THSD1: variants seen among roughly 807,000 people sequenced by gnomAD.
The protein encoded by THSD1 is thrombospondin type 1 domain containing 1, also known as thrombospondin type-1 domain-containing protein 1.
In THSD1, 34 loss-of-function variants were observed where a neutral mutation model predicts 46.3. The observed-to-expected ratio is 0.74, with a 90% CI of 0.56 to 0.98. The LOEUF (loss-of-function observed/expected upper bound fraction) is 0.98, where lower values mean the gene tolerates loss of function less well. Ranked by LOEUF, THSD1 falls within the 50% of genes least tolerant of loss-of-function variation. THSD1 has a pLI of 0.00. For missense variants in THSD1, 1,023 were observed against 1,058.3 expected (o/e 0.97, Z 0.46); for synonymous variants, 407 against 416.5 (o/e 0.98, Z 0.28).
At chr13:52,391,938 A>G (rs1957775786) in intron 3 of THSD1, among the ~76,000 whole-genome samples, 2 of 151,798 alleles carry the variant, frequency 1.3e-5, no homozygotes, top group South Asian at 4.2e-4. Flanking sequence ...CATGCCTGTA[A>G]TCCCAGGACT....
chr13:52,377,647 A>G lies in THSD1; in HGVS notation c.2323T>C (p.Ser775Pro), dbSNP rs780150341. 3.7e-6 allele frequency: 6 copies of G among 1,610,302 alleles called. No individual in the cohort carries two copies. Among genetic ancestry groups the G allele is most frequent in the African/African-American group, 1.3e-5 (1 of 74,866 alleles). The change falls in exon 5 of 5, where the codon TCT becomes CCT. Residue 775 changes from serine (S) to proline (P), a missense_variant. By Grantham distance (74) the Ser-to-Pro change is moderately conservative. Coordinates refer to ENST00000258613, the MANE Select transcript of THSD1 (RefSeq NM_018676.4). ...TTATCTTTGGGGGATATGGGAGAAG[A>G]CTGCTTCCTTGAGACACTCTTGTGA... ...PSHKSVSRKQ[S>P]SPISPKDNYQ... is the part of the protein sequence containing the mutation.
In THSD1 at chr13:52,397,232, C is replaced by T; in HGVS notation, c.1021G>A (p.Glu341Lys). Reference sequence around the variant, plus strand: ...ATGTTAAAAAAATCTCAATACAAACCTGTATTTCTCTGAATTAGCATGCAC... The same window carrying T: ...ATGTTAAAAAAATCTCAATACAAACTTGTATTTCTCTGAATTAGCATGCAC... The part of the protein sequence containing the change: ...EECMLIQRNT[E>K]TWGLWQPWSQ... Residue 341 changes from glutamate (E) to lysine (K), a missense_variant and splice_region_variant, in exon 3 of 5, where the codon GAA becomes AAA. Coordinates refer to ENST00000258613, the MANE Select transcript of THSD1 (RefSeq NM_018676.4). 6.4e-7 allele frequency: 1 copy of T among 1,557,864 alleles called. No individual in the cohort carries two copies. Among genetic ancestry groups the T allele is most frequent in the Non-Finnish European group, 8.7e-7 (1 of 1,154,286 alleles).
Position 52,397,544 on chromosome 13 carries a change from C to A in THSD1, c.709G>T (p.Ala237Ser). The change falls in exon 3 of 5, where the codon GCC becomes TCC. Residue 237 changes from alanine to serine, a missense_variant. This residue lies in a region of THSD1 where 429 missense variants were observed against 518.3 expected (regional missense o/e 0.83). Transcript: ENST00000258613. ...ACCAGTTTGTATCCAAATTTCTGGG[C>A]CAGGTCAATGGGTCCTGTGGAGGTA... ...VITSTGPIDL[A>S]QKFGYKLVMV... The A allele has an allele frequency of 6.2e-7, 1 of 1,614,148 alleles. No individual in the cohort carries two copies.
At chr13:52,403,746 G>A (rs1453097044) in intron 1 of THSD1, among the ~76,000 whole-genome samples, 2 of 151,990 alleles carry the variant, frequency 1.3e-5, no homozygotes, top group Admixed American at 6.6e-5. Context: ...CCAAAGTGCT[G>A]GGATTACAGG....
chr13:52,377,331 A>G lies in THSD1; in HGVS notation c.*80T>C. The G allele has an allele frequency of 6.9e-7, 1 of 1,439,212 alleles. No homozygotes were observed. The highest frequency in any genetic ancestry group is 9.2e-7 in the Non-Finnish European group (1 of 1,090,042). 89.2% of individuals were successfully genotyped at this position (1,439,212 alleles called of 1,614,324 possible). Reference sequence around the variant, plus strand: ...TTACTTCCTCCTCACATTCTGTCCTACGGTACAAATAGTTACACAAAAGTC... The same window carrying G: ...TTACTTCCTCCTCACATTCTGTCCTGCGGTACAAATAGTTACACAAAAGTC... On this transcript the variant is annotated 3_prime_UTR_variant, in exon 5 of 5. Transcript: ENST00000258613.
chr13:52,396,071 T>C (rs1957808078), intron 3 of THSD1, among the ~76,000 whole-genome samples: 1 of 151,646 alleles, frequency 6.6e-6, no homozygotes. Context: ...CTAAGCTGGA[T>C]AGAAAAGGAA....
Position 52,377,226 on chromosome 13 carries a change from A to G in THSD1, c.*185T>C. On this transcript the variant is annotated 3_prime_UTR_variant, in exon 5 of 5. Transcript: ENST00000258613. ...CTAATAAATCAATAGAAATTGAATA[A>G]CAAAGGAAAAAGCTCAAGATAAATA... 7.6e-7 allele frequency: 1 copy of G among 1,322,330 alleles called. No homozygotes were observed. Among genetic ancestry groups the G allele is most frequent in the South Asian group, 2.8e-5 (1 of 35,432 alleles). 81.9% of individuals were successfully genotyped at this position (1,322,330 alleles called of 1,614,324 possible).
intron 1 of THSD1, among the ~76,000 whole-genome samples, chr13:52,404,064 C>G (rs1482900412): frequency 1.3e-5 from 2 of 149,376 alleles, no homozygotes; most frequent in East Asian, 4.1e-4. Flanking sequence ...TGTCCCACCT[C>G]AGGCTTCTGA....
rs1281303400 is a variant in THSD1, at chr13:52,378,155, G to T, written c.1815C>A (p.Ser605=). ...CCTGAGTCACATTTAGATCCAGCCT[G>T]GAGGGAGGCCTTTCCCCGGCACTGA... ...PAVSAGERPP[S]RLDLNVTQAS... is the part of the protein sequence containing the mutation. Residue 605 remains serine, a synonymous_variant, in exon 5 of 5, where the codon TCC becomes TCA. Coordinates refer to ENST00000258613, the MANE Select transcript of THSD1 (RefSeq NM_018676.4). The T allele has an allele frequency of 4.3e-6, 7 of 1,614,078 alleles. No homozygotes were observed. The highest frequency in any genetic ancestry group is 1.3e-5 in the African/African-American group (1 of 74,936).
chr13:52,380,613 A>C (rs1420580797), intron 4 of THSD1, among the ~76,000 whole-genome samples: 3 of 150,822 alleles, frequency 2.0e-5, no homozygotes, highest in East Asian at 1.9e-4. Flanking sequence ...CGCCTCACTA[A>C]ATTTTTTTGT....
intron 2 of THSD1, among the ~76,000 whole-genome samples, chr13:52,400,966 TTTTG>T (rs994367728): frequency 2.6e-4 from 39 of 152,244 alleles, no homozygotes; most frequent in Non-Finnish European, 5.1e-4. Flanking sequence ...GTTTTTTTGT[TTTTG>T]TTTTTTTGTT....
chr13:52,391,959 G>A (rs186076889), intron 3 of THSD1, among the ~76,000 whole-genome samples: 2,615 of 151,992 alleles, frequency 0.017, 74 homozygotes, highest in Admixed American at 0.08. Flanking sequence ...TTGGGAGTCC[G>A]AGGCAGGCGG....
chr13:52,384,689 T>C (rs1957717631), intron 4 of THSD1, among the ~76,000 whole-genome samples: 1 of 152,130 alleles, frequency 6.6e-6, no homozygotes, highest in South Asian at 2.1e-4. Context: ...TTCATCTGAG[T>C]GTTATGGAAC....
At chr13:52,399,475 G>A (rs979585735) in intron 2 of THSD1, among the ~76,000 whole-genome samples, 2 of 152,000 alleles carry the variant, frequency 1.3e-5, no homozygotes, top group African/African-American at 4.8e-5. Context: ...TGTCCAAAGG[G>A]GCCCATGTGT....
In THSD1 at chr13:52,398,031, G is replaced by A. The variant is rs201152698; in HGVS notation, c.222C>T (p.Thr74=). 6.2e-7 allele frequency: 1 copy of A among 1,614,190 alleles called. No individual in the cohort carries two copies. Among genetic ancestry groups the A allele is most frequent in the East Asian group, 2.2e-5 (1 of 44,878 alleles). Residue 74 remains threonine (T), a synonymous_variant, in exon 3 of 5, where the codon ACC becomes ACT. Coordinates refer to ENST00000258613, the MANE Select transcript of THSD1 (RefSeq NM_018676.4). The part of the protein sequence containing the change: ...LEANTNQTVT[T]KYLLTNQSQG... ...GGGACTGGTTGGTCAGGAGGTACTTGGTAGTTACAGTCTGATTGGTGTTGG... is the reference window on the plus strand; with the variant it reads ...GGGACTGGTTGGTCAGGAGGTACTTAGTAGTTACAGTCTGATTGGTGTTGG...
chr13:52,402,554 AG>A lies in THSD1; in HGVS notation c.46del (p.Leu16SerfsTer14), dbSNP rs1957872712. The A allele has an allele frequency of 6.2e-7, 1 of 1,613,784 alleles. No homozygotes were observed. Among genetic ancestry groups the A allele is most frequent in the Non-Finnish European group, 8.5e-7 (1 of 1,179,876 alleles). Reference protein sequence around the residue: ...KDFSNLLLVVLCDYVLGEAEY... With the variant: ...KDFSNLLLVVXCDYVLGEAEY... The stretch of plus-strand genomic sequence containing the variant: ...CTCACAATACTCACCATAGTCACAG[AG>A]TACCACCAACAATAGATTTGAAAAG... On this transcript the variant is annotated frameshift_variant, in exon 2 of 5. Coordinates refer to ENST00000258613, the MANE Select transcript of THSD1 (RefSeq NM_018676.4). LOFTEE classifies it high-confidence loss of function.
intron 3 of THSD1, among the ~76,000 whole-genome samples, chr13:52,393,432 G>A (rs1957788003): frequency 6.6e-6 from 1 of 152,126 alleles, no homozygotes; most frequent in South Asian, 2.1e-4. Context: ...TGGAAGAAGA[G>A]ACAAACATAA....
intron 2 of THSD1, among the ~76,000 whole-genome samples, chr13:52,399,351 C>T (rs1217200056): frequency 6.6e-6 from 1 of 152,150 alleles, no homozygotes; most frequent in Non-Finnish European, 1.5e-5. Flanking sequence ...TGGCCCGTGG[C>T]TAGGGTAAGA....
Position 52,397,845 on chromosome 13 carries a change from C to G in THSD1, c.408G>C (p.Arg136Ser). The G allele has an allele frequency of 6.2e-7, 1 of 1,614,250 alleles. No individual in the cohort carries two copies. The highest frequency in any genetic ancestry group is 8.5e-7 in the Non-Finnish European group (1 of 1,180,052). The change falls in exon 3 of 5, where the codon AGG becomes AGC. Residue 136 changes from arginine (R) to serine (S), a missense_variant. By Grantham distance (110) the Arg-to-Ser change is moderately radical. Around this residue, in one of 3 missense-constraint regions of THSD1, gnomAD observed 429 missense variants for 518.3 expected, o/e 0.83. Transcript: ENST00000258613. The stretch of plus-strand genomic sequence containing the variant: ...AGGTGCCTTCTGCTGCCTTGGCACT[C>G]CTATTCAAGTCAACGTGAAAGACAG... ...EWPVFHVDLN[R>S]SAKAAEGTFQ...
Sources: gnomAD v4.1 joint callset for allele counts (sites outside exome capture counted in the v4.1 genomes callset) on GRCh38, gnomAD v4.1.1 for gene constraint, gnomAD v4.1.1 regional missense constraint, MANE v1.5 for transcripts, NCBI Gene and HGNC (gene_info 2026-07-23, HGNC 2026-07-21) for gene names.